Variants in ENAH observed in about 807,000 individuals in gnomAD.
The protein encoded by ENAH is ENAH actin regulator.
ENAH carries 23 observed loss-of-function variants against 78.7 expected under a neutral mutation model. The observed-to-expected ratio is 0.29, with a 90% CI of 0.21 to 0.41. The LOEUF is 0.41. Among genes scored for constraint, ENAH ranks in the 10% least tolerant of loss-of-function variants. The pLI is 1.00. For missense variants in ENAH, 544 were observed against 691.0 expected (o/e 0.79, Z 2.39); for synonymous variants, 226 against 241.0 (o/e 0.94, Z 0.58).
intron 4 of ENAH, among the ~76,000 whole-genome samples, chr1:225,523,457 T>C (rs929048564): frequency 1.4e-4 from 22 of 152,140 alleles, no homozygotes; most frequent in African/African-American, 3.9e-4. Context: ...GAGTGTCTAC[T>C]GATATAGGAA....
intron 5 of ENAH, chr1:225,517,972 G>T (rs1474701627): frequency 3.2e-6 from 5 of 1,543,134 alleles, no homozygotes; most frequent in Non-Finnish European, 4.4e-6. Flanking sequence ...GTTATACAGG[G>T]AGCTGTCTGA....
chr1:225,490,995 A>G lies in ENAH; in HGVS notation c.*6780T>C, dbSNP rs2096219602. On this transcript the variant is annotated 3_prime_UTR_variant, in exon 14 of 14. Transcript: ENST00000366843. The stretch of plus-strand genomic sequence containing the variant: ...TAAGCTAGCCTGCCACCAAGGATGG[A>G]CAAACCTCAGACTTGATCAATGGGT... 1 of 152,216 alleles carries G rather than the reference A, an allele frequency of 6.6e-6. No individual in the cohort carries two copies. Among genetic ancestry groups the G allele is most frequent in the Non-Finnish European group, 1.5e-5 (1 of 68,034 alleles). 9.4% of individuals were successfully genotyped at this position (152,216 alleles called of 1,614,324 possible).
intron 1 of ENAH, among the ~76,000 whole-genome samples, chr1:225,602,029 CAA>C (rs2096933595): frequency 6.6e-6 from 1 of 151,736 alleles, no homozygotes. Context: ...AAGAAGATAA[CAA>C]AACCAAAAGC....
rs2096241631 is a variant in ENAH, at chr1:225,494,830, T to C, written c.*2945A>G. 1.3e-5 allele frequency: 2 copies of C among 152,648 alleles called. No individual in the cohort carries two copies. The highest frequency in any genetic ancestry group is 6.5e-5 in the Admixed American group (1 of 15,284). The allele number at this position is 152,648 out of a possible 1,614,324, so 9.5% of individuals were successfully genotyped here. A position where few individuals can be genotyped will look rare whatever the true frequency, so the allele number is the denominator to read the frequency against. On this transcript the variant is annotated 3_prime_UTR_variant, in exon 14 of 14. Coordinates refer to ENST00000366843, the MANE Select transcript of ENAH (RefSeq NM_018212.6). ...CAAGCAACATATATATACTGCAATTTTATTTCAATCGCACAAACGAAGTTA... is the reference window on the plus strand; with the variant it reads ...CAAGCAACATATATATACTGCAATTCTATTTCAATCGCACAAACGAAGTTA...
chr1:225,625,986 G>T (rs1657882082), intron 1 of ENAH, among the ~76,000 whole-genome samples: 1 of 152,158 alleles, frequency 6.6e-6, no homozygotes, highest in Admixed American at 6.5e-5. Flanking sequence ...GGACAAAGAT[G>T]CAAGTTGGAC....
chr1:225,529,714 C>T (rs539444289), intron 4 of ENAH, among the ~76,000 whole-genome samples: 13 of 152,042 alleles, frequency 8.6e-5, no homozygotes, highest in Non-Finnish European at 1.2e-4. Context: ...ATACTGAAGA[C>T]GGTCAAAGCA....
intron 3 of ENAH, among the ~76,000 whole-genome samples, chr1:225,538,961 G>A (rs1488656154): frequency 1.3e-5 from 2 of 152,122 alleles, no homozygotes; most frequent in African/African-American, 2.4e-5. Flanking sequence ...CCTGAACACA[G>A]ATCAAGACTT....
At chr1:225,578,803 A>G (rs766981766) in intron 1 of ENAH, among the ~76,000 whole-genome samples, 6 of 152,222 alleles carry the variant, frequency 3.9e-5, no homozygotes, top group Non-Finnish European at 7.3e-5. Flanking sequence ...TCAGTGAATT[A>G]CTATCTAATA....
At chr1:225,546,014 C>T (rs1004297866) in intron 3 of ENAH, among the ~76,000 whole-genome samples, 9 of 150,158 alleles carry the variant, frequency 6.0e-5, no homozygotes, top group Non-Finnish European at 1.0e-4. Context: ...AACTCAAACT[C>T]CCAGGCTCAA....
At position 225,497,617 on chromosome 1, in the gene ENAH, C is replaced by A; in HGVS notation, c.*158G>T. 5.3e-6 allele frequency: 3 copies of A among 561,992 alleles called. No homozygotes were observed. The highest frequency in any genetic ancestry group is 9.2e-6 in the Non-Finnish European group (3 of 325,652). The allele number at this position is 561,992 out of a possible 1,614,324, so 34.8% of individuals were successfully genotyped here. On this transcript the variant is annotated 3_prime_UTR_variant, in exon 14 of 14. Coordinates refer to ENST00000366843, the MANE Select transcript of ENAH (RefSeq NM_018212.6). ...GAGCTTATCACCAGAGTCATAATGT[C>A]TGAAGGCTTTCAGAGTAGGTTGGTT...
intron 1 of ENAH, among the ~76,000 whole-genome samples, chr1:225,627,483 A>AG (rs1402712851): frequency 2.0e-5 from 3 of 152,242 alleles, no homozygotes; most frequent in African/African-American, 7.2e-5. Context: ...GAGAGAACCA[A>AG]GGGAGCTTAA....
intron 5 of ENAH, chr1:225,517,872 G>A: frequency 6.4e-7 from 1 of 1,551,450 alleles, no homozygotes; most frequent in Non-Finnish European, 8.7e-7. Flanking sequence ...AATCAGGAGT[G>A]GCATCTGACA....
In ENAH at chr1:225,590,082, AACACACACACACACAC is replaced by A. The variant is rs3050220; in HGVS notation, c.6-22684_6-22669del. 3.8e-3 allele frequency among the ~76,000 whole-genome samples: 504 copies of A among 131,494 alleles called. 1 individual carries two copies. Among genetic ancestry groups the A allele is most frequent in the South Asian group, 8.9e-3 (32 of 3,580 alleles). The allele number at this position is 131,494 out of a possible 152,430, so 86.3% of individuals were successfully genotyped here. On this transcript the variant is annotated intron_variant, in intron 1 of 13. Coordinates refer to ENST00000366843, the MANE Select transcript of ENAH (RefSeq NM_018212.6). ...GACTAATTGCCTCCCCTCATCACTC[AACACACACACACACAC>A]ACACACACACACACACACACACACA...
At chr1:225,606,712 G>A (rs1336910527) in intron 1 of ENAH, among the ~76,000 whole-genome samples, 1 of 151,082 alleles carries the variant, frequency 6.6e-6, no homozygotes, top group Non-Finnish European at 1.5e-5. Flanking sequence ...ACGTGGTGGA[G>A]TGCACCTGTA....
chr1:225,511,575 T>C (rs1216914469), intron 10 of ENAH, among the ~76,000 whole-genome samples: 1 of 152,174 alleles, frequency 6.6e-6, no homozygotes, highest in Non-Finnish European at 1.5e-5. Context: ...TTATGAAAAA[T>C]ACTCTTGTCA....
chr1:225,543,340 T>C (rs1408684691), intron 3 of ENAH, among the ~76,000 whole-genome samples: 2 of 152,202 alleles, frequency 1.3e-5, no homozygotes, highest in East Asian at 3.8e-4. Context: ...AGGATAATAT[T>C]TGCAAAATAA....
chr1:225,558,289 A>G (rs1216694480), intron 2 of ENAH, among the ~76,000 whole-genome samples: 2 of 152,222 alleles, frequency 1.3e-5, no homozygotes, highest in African/African-American at 4.8e-5. Flanking sequence ...GGAAAAAAGT[A>G]CGTAATACTG....
At chr1:225,500,922 G>T in intron 12 of ENAH, 70 bp downstream of exon 12, 2 of 1,349,218 alleles carry the variant, frequency 1.5e-6, no homozygotes, top group Non-Finnish European at 2.1e-6. Flanking sequence ...CCATGTCAAA[G>T]ATATGCATAT....
In ENAH at chr1:225,494,383, A is replaced by AT; in HGVS notation, c.*3391dup. 6.6e-6 allele frequency: 1 copy of AT among 152,338 alleles called. No individual in the cohort carries two copies. The highest frequency in any genetic ancestry group is 1.5e-5 in the Non-Finnish European group (1 of 68,014). 9.4% of individuals were successfully genotyped at this position (152,338 alleles called of 1,614,324 possible). A position where few individuals can be genotyped will look rare whatever the true frequency, so the allele number is the denominator to read the frequency against. On this transcript the variant is annotated 3_prime_UTR_variant, in exon 14 of 14. Coordinates refer to ENST00000366843, the MANE Select transcript of ENAH (RefSeq NM_018212.6). ...ACATATTTTGCTATACTTAAAATTCATTACTCAATAATGCCCTTTACCACA... is the reference window on the plus strand; with the variant it reads ...ACATATTTTGCTATACTTAAAATTCATTTACTCAATAATGCCCTTTACCACA...
Sources: gnomAD v4.1 joint callset for allele counts (sites outside exome capture counted in the v4.1 genomes callset) on GRCh38, gnomAD v4.1.1 for gene constraint, MANE v1.5 for transcripts, NCBI Gene and HGNC (gene_info 2026-07-23, HGNC 2026-07-21) for gene names.